ABL2: variants seen among roughly 807,000 people sequenced by gnomAD.
ABL2 encodes tyrosine-protein kinase ABL2.
A neutral mutation model predicts 107.7 loss-of-function variants in ABL2; 49 were observed. That is an observed-to-expected ratio of 0.45 (90% CI 0.36 to 0.58). The LOEUF (loss-of-function observed/expected upper bound fraction) is 0.58. Ranked by LOEUF, ABL2 falls within the 20% of genes least tolerant of loss-of-function variation. The probability of loss-of-function intolerance (pLI) is 0.00; values close to 1 mark genes in which losing one functional copy is unlikely to be tolerated. For synonymous variants in ABL2, 549 were observed against 548.6 expected, an observed-to-expected ratio of 1.00 and a Z score of -0.01; for missense variants, 1,245 against 1,457.0, an observed-to-expected ratio of 0.85 and a Z score of 2.37.
In ABL2 at chr1:179,229,364, G is replaced by A. The variant is rs866229451; in HGVS notation, c.34C>T (p.Pro12Ser). 14 of 1,572,020 alleles carry A rather than the reference G, an allele frequency of 8.9e-6. No individual in the cohort carries two copies. Among genetic ancestry groups the A allele is most frequent in the Non-Finnish European group, 7.7e-6 (9 of 1,164,104 alleles). Reference sequence around the variant, plus strand: ...CGGGGCTGAGGCTGCTGGAGCCCCGGAGCTTCCCCGACGCGGCCCACCTGC... The same window carrying A: ...CGGGGCTGAGGCTGCTGGAGCCCCGAAGCTTCCCCGACGCGGCCCACCTGC... ...GQQVGRVGEA[P>S]GLQQPQPRGI... Residue 12 changes from proline to serine, a missense_variant, in exon 1 of 12, where the codon CCG becomes TCG. By Grantham distance (74) the Pro-to-Ser change is moderately conservative (BLOSUM62 -1). Coordinates refer to ENST00000502732, the MANE Select transcript of ABL2 (RefSeq NM_007314.4).
chr1:179,147,013 G>C (rs543812106), intron 1 of ABL2, among the ~76,000 whole-genome samples: 1 of 151,370 alleles, frequency 6.6e-6, no homozygotes, highest in South Asian at 2.1e-4. Context: ...AGTGAGCCAA[G>C]ATCACAGCAC....
intron 1 of ABL2, among the ~76,000 whole-genome samples, chr1:179,174,904 AAAAATAAAATAAAAAAAAT>A (rs1284295086): frequency 3.0e-5 from 4 of 132,102 alleles, no homozygotes; most frequent in Admixed American, 8.5e-5. Context: ...TCAAAAAAAA[AAAAATAAAATAAAAAAAAT>A]AATAATAATA....
At chr1:179,191,119 C>T (rs12086422) in intron 1 of ABL2, among the ~76,000 whole-genome samples, 1,692 of 152,234 alleles carry the variant, frequency 0.011, 33 homozygotes, top group African/African-American at 0.035. Flanking sequence ...ACAGGAAGAA[C>T]GTCACTTTCA....
At chr1:179,217,445 G>A (rs1261475587) in intron 1 of ABL2, among the ~76,000 whole-genome samples, 5 of 151,882 alleles carry the variant, frequency 3.3e-5, no homozygotes, top group Admixed American at 2.6e-4. Flanking sequence ...GGCCAACATG[G>A]TGAAACCCCA....
At chr1:179,175,421 C>G (rs1659985962) in intron 1 of ABL2, among the ~76,000 whole-genome samples, 1 of 152,174 alleles carries the variant, frequency 6.6e-6, no homozygotes, top group African/African-American at 2.4e-5. Flanking sequence ...CTGCCCAGAA[C>G]AGAAAAGCCA....
intron 1 of ABL2, among the ~76,000 whole-genome samples, chr1:179,203,375 CT>C (rs1408343818): frequency 3.3e-5 from 5 of 152,232 alleles, no homozygotes; most frequent in East Asian, 3.9e-4. Context: ...CAGAAAAGAT[CT>C]TCAAATTGGA....
chr1:179,147,322 C>T (rs771181029), intron 1 of ABL2, among the ~76,000 whole-genome samples: 25 of 150,972 alleles, frequency 1.7e-4, no homozygotes, highest in Non-Finnish European at 3.1e-4. Flanking sequence ...CAAAGAACTA[C>T]AAGTAGAACT....
intron 1 of ABL2, among the ~76,000 whole-genome samples, chr1:179,198,711 A>AAAAAAC (rs1661482165): frequency 6.6e-6 from 1 of 150,948 alleles, no homozygotes; most frequent in African/African-American, 2.4e-5. Flanking sequence ...AAAAAAAAAA[A>AAAAAAC]AAAAACAAAG....
Position 179,111,097 on chromosome 1 carries a change from T to C in ABL2, c.1652-642A>G, listed in dbSNP as rs541196097. 1.5e-3 allele frequency among the ~76,000 whole-genome samples: 232 copies of C among 149,910 alleles called. 1 individual carries two copies. The highest frequency in any genetic ancestry group is 5.4e-3 in the African/African-American group (219 of 40,626). On this transcript the variant is annotated intron_variant, in intron 10 of 11. Transcript: ENST00000502732. Reference sequence around the variant, plus strand: ...CTCCGATGTTCAAACGATTCTCCTGTCTCAGCCTCCCAAATAGCTGGGATT... The same window carrying C: ...CTCCGATGTTCAAACGATTCTCCTGCCTCAGCCTCCCAAATAGCTGGGATT...
chr1:179,134,464 C>T lies in ABL2; in HGVS notation c.158-1090G>A, dbSNP rs140016083. 5.5e-3 allele frequency among the ~76,000 whole-genome samples: 834 copies of T among 152,132 alleles called. 7 individuals are homozygous for T. The highest frequency in any genetic ancestry group is 0.019 in the African/African-American group (781 of 41,480). ...GGCTGCGTGGAGCCTGCTTGGGAAC[C>T]GGGATGGCGTTTGCCTTCCACCATC... On this transcript the variant is annotated intron_variant, in intron 1 of 11. Transcript: ENST00000502732.
chr1:179,117,342 A>C lies in ABL2; in HGVS notation c.1398T>G (p.Ser466=), dbSNP rs907046003. The C allele has an allele frequency of 6.8e-6, 11 of 1,614,016 alleles. No individual in the cohort carries two copies. The highest frequency in any genetic ancestry group is 8.5e-6 in the Non-Finnish European group (10 of 1,180,022). ...SLAYNTFSIK[S]DVWAFGVLLW... The stretch of plus-strand genomic sequence containing the variant: ...CCCTTTCAACCTTACCCCAGACGTC[A>C]GATTTAATTGAGAAGGTATTGTAGG... The change falls in exon 8 of 12, where the codon TCT becomes TCG. Residue 466 remains serine, a synonymous_variant. Coordinates refer to ENST00000502732, the MANE Select transcript of ABL2 (RefSeq NM_007314.4).
chr1:179,114,863 T>G lies in ABL2; in HGVS notation c.1561+15A>C. On this transcript the variant is annotated intron_variant, in intron 9 of 11. Transcript: ENST00000502732. The stretch of plus-strand genomic sequence containing the variant: ...AGCTTATGCCTTCAAAATTAAAACA[T>G]GCAAAAATACTCACATGCTCTCATA... 1.3e-6 allele frequency: 2 copies of G among 1,576,866 alleles called. No homozygotes were observed. Among genetic ancestry groups the G allele is most frequent in the Non-Finnish European group, 1.7e-6 (2 of 1,164,354 alleles).
chr1:179,174,002 G>T (rs1214789712), intron 1 of ABL2, among the ~76,000 whole-genome samples: 3 of 152,008 alleles, frequency 2.0e-5, no homozygotes, highest in African/African-American at 7.2e-5. Flanking sequence ...AAAGAAAATG[G>T]TTTCTGGCCG....
intron 1 of ABL2, among the ~76,000 whole-genome samples, chr1:179,188,713 G>C (rs192832477): frequency 6.6e-6 from 1 of 152,278 alleles, no homozygotes; most frequent in Admixed American, 6.5e-5. Flanking sequence ...GATTTGTTCA[G>C]TGCTGTATTT....
chr1:179,147,482 G>A (rs1658078408), intron 1 of ABL2, among the ~76,000 whole-genome samples: 1 of 152,152 alleles, frequency 6.6e-6, no homozygotes, highest in Admixed American at 6.5e-5. Flanking sequence ...ATCAATGGAT[G>A]ACTGGAGTTT....
At chr1:179,170,618 G>A (rs1411514498) in intron 1 of ABL2, among the ~76,000 whole-genome samples, 1 of 151,528 alleles carries the variant, frequency 6.6e-6, no homozygotes, top group Non-Finnish European at 1.5e-5. Flanking sequence ...TATTTTGAGA[G>A]GGAGTCTCGC....
At chr1:179,109,941 G>GA (rs1007694361) in intron 11 of ABL2, among the ~76,000 whole-genome samples, 9 of 136,414 alleles carry the variant, frequency 6.6e-5, no homozygotes, top group Non-Finnish European at 9.6e-5. Context: ...AAAAAAAAAA[G>GA]AAAAAAAAAA....
rs1170059272 is a variant in ABL2, at chr1:179,103,608, G to A, written c.*4110C>T. The A allele has an allele frequency of 1.4e-5, 3 of 221,468 alleles. No individual in the cohort carries two copies. The highest frequency in any genetic ancestry group is 1.3e-4 in the East Asian group (2 of 15,294). The allele number at this position is 221,468 out of a possible 1,614,324, so 13.7% of individuals were successfully genotyped here. A position where few individuals can be genotyped will look rare whatever the true frequency, so the allele number is the denominator to read the frequency against. On this transcript the variant is annotated 3_prime_UTR_variant, in exon 12 of 12. Coordinates refer to ENST00000502732, the MANE Select transcript of ABL2 (RefSeq NM_007314.4). ...AATGACCCCATTGAATTTTTTAAATGACTGAATTCTACTGAGTGCTTGCTT... is the reference window on the plus strand; with the variant it reads ...AATGACCCCATTGAATTTTTTAAATAACTGAATTCTACTGAGTGCTTGCTT...
intron 1 of ABL2, among the ~76,000 whole-genome samples, chr1:179,198,944 C>T (rs1030257719): frequency 2.0e-5 from 3 of 150,736 alleles, no homozygotes; most frequent in Non-Finnish European, 3.0e-5. Flanking sequence ...CAGGTCCAAG[C>T]GATTCTCCTG....
Sources: allele counts gnomAD v4.1 joint callset (sites outside exome capture counted in the v4.1 genomes callset), GRCh38; gene constraint gnomAD v4.1.1; transcripts MANE v1.5; gene names NCBI Gene and HGNC (gene_info 2026-07-23, HGNC 2026-07-21).